SLCO1B1: variants seen among roughly 807,000 people sequenced by gnomAD.
The protein encoded by SLCO1B1 is solute carrier organic anion transporter family member 1B1.
Under a neutral mutation model 70.1 loss-of-function variants are expected in SLCO1B1, and 81 were observed. The ratio of observed to expected loss-of-function variants is 1.16; its 90% confidence interval spans 0.97 to 1.39. The LOEUF (loss-of-function observed/expected upper bound fraction) is 1.39. Ranked by LOEUF, SLCO1B1 falls within the 40% of genes most tolerant of loss-of-function variation. The pLI is 0.00. For synonymous variants in SLCO1B1, 283 were observed against 271.5 expected, an observed-to-expected ratio of 1.04 and a Z score of -0.42; for missense variants, 895 against 799.6, an observed-to-expected ratio of 1.12 and a Z score of -1.44.
At chr12:21,169,273 G>T (rs565088780) in intron 2 of SLCO1B1, among the ~76,000 whole-genome samples, 1 of 152,004 alleles carries the variant, frequency 6.6e-6, no homozygotes, top group African/African-American at 2.4e-5. Flanking sequence ...AAATGTTTAG[G>T]TTCCTTTATC....
chr12:21,185,160 G>C (rs981401765), intron 7 of SLCO1B1, among the ~76,000 whole-genome samples: 33 of 151,992 alleles, frequency 2.2e-4, no homozygotes, highest in Non-Finnish European at 8.8e-5. Context: ...GCCACACCAT[G>C]ATAGTGGAAG....
intron 8 of SLCO1B1, among the ~76,000 whole-genome samples, chr12:21,198,728 T>C (rs1056341677): frequency 6.6e-6 from 1 of 152,140 alleles, no homozygotes; most frequent in Non-Finnish European, 1.5e-5. Context: ...TTCAGTTCAT[T>C]ACAAAAACAG....
Position 21,174,557 on chromosome 12 carries a change from T to C in SLCO1B1, c.227-20T>C, listed in dbSNP as rs1445328755. On this transcript the variant is annotated intron_variant, in intron 3 of 14. Coordinates refer to ENST00000256958, the MANE Select transcript of SLCO1B1 (RefSeq NM_006446.5). Reference sequence around the variant, plus strand: ...AAAATTGAACTAAGCTGTATCAACATAATTTTGTTCCCTTTCTAGGAAATT... The same window carrying C: ...AAAATTGAACTAAGCTGTATCAACACAATTTTGTTCCCTTTCTAGGAAATT... The C allele has an allele frequency of 6.2e-7, 1 of 1,612,010 alleles. No homozygotes were observed. The highest frequency in any genetic ancestry group is 2.2e-5 in the East Asian group (1 of 44,714).
intron 2 of SLCO1B1, among the ~76,000 whole-genome samples, chr12:21,155,588 T>G (rs745316583): frequency 6.6e-6 from 1 of 152,162 alleles, no homozygotes; most frequent in Non-Finnish European, 1.5e-5. Flanking sequence ...CACATTTACT[T>G]AGTTATGATA....
intron 10 of SLCO1B1, among the ~76,000 whole-genome samples, chr12:21,203,416 T>C (rs1246117317): frequency 1.3e-5 from 2 of 151,976 alleles, no homozygotes; most frequent in Non-Finnish European, 2.9e-5. Context: ...ATTTCCTGAA[T>C]ATAGCCAACA....
intron 14 of SLCO1B1, among the ~76,000 whole-genome samples, chr12:21,233,389 C>T (rs1282148459): frequency 6.6e-6 from 1 of 152,082 alleles, no homozygotes; most frequent in East Asian, 1.9e-4. Flanking sequence ...TTCCAAACCA[C>T]GACTTCTAAC....
chr12:21,223,796 G>T (rs941952402), intron 13 of SLCO1B1, among the ~76,000 whole-genome samples: 2 of 152,016 alleles, frequency 1.3e-5, no homozygotes, highest in African/African-American at 4.8e-5. Context: ...CTTAAGGACA[G>T]TTCTCTACTG....
At position 21,239,096 on chromosome 12, in the gene SLCO1B1, T is replaced by C. The variant is rs768771124; in HGVS notation, c.1983T>C (p.Asn661=). The C allele has an allele frequency of 4.8e-5, 78 of 1,610,252 alleles. No homozygotes were observed. In the East Asian group the frequency reaches 1.7e-3, roughly 36 times the overall value. ...YQEKDINASE[N]GSVMDEANLE... is the part of the protein sequence containing the mutation. The stretch of plus-strand genomic sequence containing the variant: ...AGAAAGATATCAATGCATCAGAAAA[T>C]GGAAGTGTCATGGATGAAGCAAACT... Residue 661 remains asparagine, a synonymous_variant, in exon 15 of 15, where the codon AAT becomes AAC. Transcript: ENST00000256958.
At chr12:21,172,174 T>C (rs1294179455) in intron 2 of SLCO1B1, among the ~76,000 whole-genome samples, 1 of 152,214 alleles carries the variant, frequency 6.6e-6, no homozygotes, top group African/African-American at 2.4e-5. Flanking sequence ...CATCTTACAC[T>C]GGATGTCAGT....
At chr12:21,198,057 C>CT (rs1430760868) in intron 8 of SLCO1B1, among the ~76,000 whole-genome samples, 1 of 152,118 alleles carries the variant, frequency 6.6e-6, no homozygotes, top group Non-Finnish European at 1.5e-5. Flanking sequence ...CCCTCAGCAT[C>CT]TTTTTCAAGT....
chr12:21,154,123 A>G (rs1278409405), intron 2 of SLCO1B1, among the ~76,000 whole-genome samples: 1 of 151,786 alleles, frequency 6.6e-6, no homozygotes, highest in South Asian at 2.1e-4. Flanking sequence ...ATTCTTTCTT[A>G]TACTTTTTGA....
At position 21,200,550 on chromosome 12, in the gene SLCO1B1, A is replaced by T. The variant is rs1292200805; in HGVS notation, c.1013A>T (p.Tyr338Phe). The T allele has an allele frequency of 6.2e-7, 1 of 1,604,842 alleles. No individual in the cohort carries two copies. The highest frequency in any genetic ancestry group is 8.5e-7 in the Non-Finnish European group (1 of 1,174,434). Reference protein sequence around the residue: ...SFKSILTNPLYVMFVLLTLLQ... With the variant: ...SFKSILTNPLFVMFVLLTLLQ... ...AAAAGCATCCTTACTAATCCCCTGT[A>T]TGTTATGTTTGTGCTTTTGACGTTG... The change falls in exon 9 of 15, where the codon TAT (tyrosine) becomes TTT (phenylalanine). Residue 338 changes from tyrosine to phenylalanine, a missense_variant. Physicochemically the swap from Tyr to Phe is conservative, Grantham distance 22. Coordinates refer to ENST00000256958, the MANE Select transcript of SLCO1B1 (RefSeq NM_006446.5).
At chr12:21,214,530 G>A (rs1042168315) in intron 11 of SLCO1B1, among the ~76,000 whole-genome samples, 2 of 150,742 alleles carry the variant, frequency 1.3e-5, no homozygotes, top group African/African-American at 2.4e-5. Context: ...TCTGTGCCCT[G>A]CCCCCAGAGG....
Position 21,239,412 on chromosome 12 carries a change from T to G in SLCO1B1, c.*223T>G, listed in dbSNP as rs796101080. Among the ~76,000 whole-genome samples, 8 of 152,310 alleles carry G rather than the reference T, an allele frequency of 5.3e-5. No homozygotes were observed. The highest frequency in any genetic ancestry group is 1.9e-4 in the African/African-American group (8 of 41,576). Reference sequence around the variant, plus strand: ...ATAGCTACATATTTGTGGTTAAGGTTAGACTATATGATCCATACAAATTAA... The same window carrying G: ...ATAGCTACATATTTGTGGTTAAGGTGAGACTATATGATCCATACAAATTAA... On this transcript the variant is annotated 3_prime_UTR_variant, in exon 15 of 15. Coordinates refer to ENST00000256958, the MANE Select transcript of SLCO1B1 (RefSeq NM_006446.5).
At chr12:21,238,571 T>C (rs1212725849) in intron 14 of SLCO1B1, among the ~76,000 whole-genome samples, 1 of 152,042 alleles carries the variant, frequency 6.6e-6, no homozygotes, top group African/African-American at 2.4e-5. Context: ...TTTATTAATA[T>C]GGTGTAAGGT....
chr12:21,222,326 T>C lies in SLCO1B1; in HGVS notation c.1709T>C (p.Leu570Pro). ...VKIVQPELKS[L>P]ALGFHSMVIR... ...ATTGTTCAACCTGAATTGAAATCAC[T>C]TGCACTGGGTTTCCACTCAATGGTT... The change falls in exon 13 of 15, where the codon CTT becomes CCT. Residue 570 changes from leucine to proline, a missense_variant. Leu to Pro is a moderately conservative substitution (Grantham distance 98). Transcript: ENST00000256958. The C allele has an allele frequency of 7.8e-7, 1 of 1,278,414 alleles. No homozygotes were observed. Among genetic ancestry groups the C allele is most frequent in the Non-Finnish European group, 1.0e-6 (1 of 963,454 alleles). The allele number at this position is 1,278,414 out of a possible 1,614,324, so 79.2% of individuals were successfully genotyped here. A position where few individuals can be genotyped will look rare whatever the true frequency, so the allele number is the denominator to read the frequency against.
At chr12:21,142,153 A>T (rs1485563502) in intron 2 of SLCO1B1, among the ~76,000 whole-genome samples, 1 of 151,856 alleles carries the variant, frequency 6.6e-6, no homozygotes, top group Admixed American at 6.6e-5. Flanking sequence ...GATAGTCAAA[A>T]ACTTGGCCAA....
chr12:21,230,010 AT>A (rs1009457756), intron 14 of SLCO1B1, among the ~76,000 whole-genome samples: 2 of 152,150 alleles, frequency 1.3e-5, no homozygotes, highest in African/African-American at 4.8e-5. Context: ...TTTGGCAGAT[AT>A]TTTTGATCAA....
chr12:21,234,424 C>G (rs917973521), intron 14 of SLCO1B1, among the ~76,000 whole-genome samples: 1 of 152,138 alleles, frequency 6.6e-6, no homozygotes, highest in African/African-American at 2.4e-5. Context: ...AATTTCTAAT[C>G]TTTTGGCTAA....
Sources: allele counts gnomAD v4.1 joint callset (sites outside exome capture counted in the v4.1 genomes callset), GRCh38; gene constraint gnomAD v4.1.1; transcripts MANE v1.5; gene names NCBI Gene and HGNC (gene_info 2026-07-23, HGNC 2026-07-21).